The following QTGAL variants were observed in gnomAD, a reference collection of about 807,000 sequenced individuals.
The protein encoded by QTGAL is BGnT-like protein 1.
chr17:82,959,371 G>T, the QTGAL span, among the ~76,000 whole-genome samples: 1 of 139,976 alleles, frequency 7.1e-6, no homozygotes, highest in Non-Finnish European at 1.5e-5. Context: ...ACGTGAGTGC[G>T]TGTGTGCAGT....
At chr17:82,965,595 C>A in the QTGAL span, 2 of 1,492,126 alleles carry the variant, frequency 1.3e-6, no homozygotes, top group South Asian at 1.2e-5. Context: ...AGCCCACACA[C>A]AGAGACAGGG....
At chr17:82,992,422 G>A in the QTGAL span, among the ~76,000 whole-genome samples, 7 of 152,258 alleles carry the variant, frequency 4.6e-5, no homozygotes, top group African/African-American at 1.4e-4. Flanking sequence ...CATATGTAAC[G>A]TGCTGAAGGA....
At chr17:82,946,969 G>T in the QTGAL span, 4 of 1,563,432 alleles carry the variant, frequency 2.6e-6, no homozygotes, top group Non-Finnish European at 3.5e-6. Context: ...CCTCAAAGGC[G>T]CCCCCTGTGA....
the QTGAL span, among the ~76,000 whole-genome samples, chr17:83,013,923 G>A: frequency 6.6e-6 from 1 of 152,156 alleles, no homozygotes; most frequent in East Asian, 1.9e-4. Context: ...ACCAGCTCCA[G>A]GGATCCCTGG....
chr17:83,013,766 CTG>C, the QTGAL span, among the ~76,000 whole-genome samples: 69 of 152,304 alleles, frequency 4.5e-4, no homozygotes, highest in Non-Finnish European at 3.4e-4. Flanking sequence ...GGGACGGACA[CTG>C]TGGGCGCTGG....
the QTGAL span, among the ~76,000 whole-genome samples, chr17:83,029,033 C>T: frequency 1.3e-5 from 2 of 152,206 alleles, no homozygotes; most frequent in Non-Finnish European, 2.9e-5. Context: ...GCAACAGAAG[C>T]CCTGGGGCTC....
the QTGAL span, among the ~76,000 whole-genome samples, chr17:82,994,142 AT>A: frequency 8.5e-5 from 13 of 152,176 alleles, no homozygotes; most frequent in African/African-American, 2.9e-4. Context: ...AAGAAAATAA[AT>A]AACAAAAATC....
At chr17:83,009,481 G>C in the QTGAL span, among the ~76,000 whole-genome samples, 1 of 151,158 alleles carries the variant, frequency 6.6e-6, no homozygotes, top group Non-Finnish European at 1.5e-5. Context: ...AAGGAACTGA[G>C]ACCCACGAGG....
At chr17:82,942,527 C>T in the QTGAL span, 1,243 of 1,611,384 alleles carry the variant, frequency 7.7e-4, 3 homozygotes, top group East Asian at 0.013. Flanking sequence ...TGAGGGAGGC[C>T]GGTGTGGAAA....
At chr17:82,985,567 C>T in the QTGAL span, among the ~76,000 whole-genome samples, 2 of 152,158 alleles carry the variant, frequency 1.3e-5, no homozygotes, top group African/African-American at 4.8e-5. Context: ...CAATTACATC[C>T]TTGGTGTTTA....
chr17:82,976,871 CTATGGAG>C, the QTGAL span, among the ~76,000 whole-genome samples: 2 of 33,700 alleles, frequency 5.9e-5, no homozygotes, highest in Admixed American at 2.8e-4. Flanking sequence ...CCAGAGGCCA[CTATGGAG>C]AGTCAGGGCC....
the QTGAL span, among the ~76,000 whole-genome samples, chr17:83,019,245 C>T: frequency 1.3e-5 from 2 of 152,054 alleles, no homozygotes; most frequent in Non-Finnish European, 2.9e-5. Flanking sequence ...TGCAGGAGAA[C>T]CCTGGGGCGT....
At chr17:82,942,421 G>A in the QTGAL span, 629 of 1,613,958 alleles carry the variant, frequency 3.9e-4, no homozygotes, top group Middle Eastern at 2.6e-3. Context: ...GAGCTGACCA[G>A]CCTGAGCTTG....
At chr17:82,960,185 G>GGCCCTCCTGCCA in the QTGAL span, among the ~76,000 whole-genome samples, 1 of 152,252 alleles carries the variant, frequency 6.6e-6, no homozygotes, top group African/African-American at 2.4e-5. Flanking sequence ...GGAAGCTCGT[G>GGCCCTCCTGCCA]GCCCTCCTGC....
the QTGAL span, among the ~76,000 whole-genome samples, chr17:83,046,996 A>G: frequency 6.6e-6 from 1 of 152,246 alleles, no homozygotes; most frequent in Admixed American, 6.5e-5. Flanking sequence ...CTCCATTCAC[A>G]TGAAATGTCC....
the QTGAL span, among the ~76,000 whole-genome samples, chr17:82,973,892 C>T: frequency 6.6e-6 from 1 of 152,256 alleles, no homozygotes; most frequent in Admixed American, 6.5e-5. Flanking sequence ...ACTCCTCTCC[C>T]GTGTGGACAG....
the QTGAL span, among the ~76,000 whole-genome samples, chr17:83,000,240 C>T: frequency 6.7e-6 from 1 of 149,800 alleles, no homozygotes; most frequent in Non-Finnish European, 1.5e-5. Flanking sequence ...GGATTACAGG[C>T]ATGAGCCACT....
At chr17:82,953,177 A>G in the QTGAL span, among the ~76,000 whole-genome samples, 1 of 152,218 alleles carries the variant, frequency 6.6e-6, no homozygotes, top group Admixed American at 6.5e-5. Context: ...AGCAAAAGAC[A>G]AGCAAGATCA....
the QTGAL span, among the ~76,000 whole-genome samples, chr17:82,999,290 G>A: frequency 0.012 from 1,795 of 151,952 alleles, 43 homozygotes; most frequent in African/African-American, 0.041. Flanking sequence ...ACACACAAAG[G>A]CTTGTACATA....
Sources: gnomAD v4.1 joint callset for allele counts (sites outside exome capture counted in the v4.1 genomes callset) on GRCh38, gnomAD v4.1.1 for gene constraint, MANE v1.5 for transcripts, NCBI Gene and HGNC (gene_info 2026-07-23, HGNC 2026-07-21) for gene names.